Variants in ADAR observed in about 807,000 individuals in gnomAD.
The protein encoded by ADAR is adenosine deaminase RNA specific.
A neutral mutation model predicts 113.2 loss-of-function variants in ADAR; 41 were observed. The observed-to-expected ratio is 0.36, with a 90% CI of 0.28 to 0.47. ADAR has a LOEUF of 0.47. Among genes scored for constraint, ADAR ranks in the 20% least tolerant of loss-of-function variants. ADAR has a pLI of 1.00. For missense variants in ADAR, 1,242 were observed against 1,540.9 expected, an observed-to-expected ratio of 0.81 and a Z score of 3.25; for synonymous variants, 605 against 572.6, an observed-to-expected ratio of 1.06 and a Z score of -0.81.
At chr1:154,606,949 T>TAC in intron 1 of ADAR, among the ~76,000 whole-genome samples, 1 of 126,884 alleles carries the variant, frequency 7.9e-6, no homozygotes, top group East Asian at 2.3e-4. Context: ...AAAAAAAAAA[T>TAC]ATATATATAT....
At chr1:154,586,815 G>C (rs1696794804) in intron 11 of ADAR, among the ~76,000 whole-genome samples, 1 of 152,160 alleles carries the variant, frequency 6.6e-6, no homozygotes, top group Middle Eastern at 3.2e-3. Context: ...CAGCGGATTG[G>C]CTGTTCAGGC....
Position 154,601,588 on chromosome 1 carries a change from T to A in ADAR, c.1054A>T (p.Ile352Leu), listed in dbSNP as rs760321785. The A allele has an allele frequency of 6.2e-7, 1 of 1,612,622 alleles. No individual in the cohort carries two copies. Among genetic ancestry groups the A allele is most frequent in the Non-Finnish European group, 8.5e-7 (1 of 1,180,004 alleles). The change falls in exon 2 of 15, where the codon ATA (isoleucine) becomes TTA (leucine). Residue 352 changes from isoleucine (I) to leucine (L), a missense_variant. Transcript: ENST00000368474. This position sits in a 1 kb window ranked among gnomAD's most constrained non-coding sequence, Gnocchi z 4.7. ...DVYRQGTTPP[I>L]WHLTDKKRER... ...CGCTTCTTGTCTGTCAAATGCCATA[T>A]GGGAGGGGTTGTCCCTTGTCTATAG...
upstream of ADAR, among the ~76,000 whole-genome samples, chr1:154,612,128 A>G (rs1465009610): frequency 4.6e-5 from 7 of 152,174 alleles, no homozygotes; most frequent in Non-Finnish European, 8.8e-5. Flanking sequence ...GTAATTTCCT[A>G]TAACCAGACT....
intron 6 of ADAR, among the ~76,000 whole-genome samples, chr1:154,596,189 A>G (rs9426823): frequency 0.63 from 96,540 of 152,078 alleles, 31,677 homozygotes; most frequent in South Asian, 0.77. Flanking sequence ...GAGGGAAACT[A>G]GAAGTCTGAG....
rs368067331 is a variant in ADAR, at chr1:154,613,733, C to T, written c.-870-11107G>A. On this transcript the variant is annotated intron_variant, in intron 1 of 14. Coordinates refer to the ADAR transcript ENST00000368471. Reference sequence around the variant, plus strand: ...CCGCCTGACTAACATAGAGAAACTCCGTCTTTACTAAAAATACAAAATTAG... The same window carrying T: ...CCGCCTGACTAACATAGAGAAACTCTGTCTTTACTAAAAATACAAAATTAG... Among the ~76,000 whole-genome samples the T allele has an allele frequency of 9.9e-5, 15 of 152,014 alleles. No homozygotes were observed. In the South Asian group the frequency reaches 2.1e-3, roughly 21 times the overall value.
chr1:154,611,587 C>T (rs1557900130), upstream of ADAR, among the ~76,000 whole-genome samples: 1 of 152,070 alleles, frequency 6.6e-6, no homozygotes, highest in Non-Finnish European at 1.5e-5. Context: ...ATAAAAATCA[C>T]CCATTGTTAA....
chr1:154,620,405 CA>C (rs368579988), intron 1 of ADAR, among the ~76,000 whole-genome samples: 9,666 of 133,504 alleles, frequency 0.072, 1,017 homozygotes, highest in African/African-American at 0.24. Context: ...GGCTCCGTCT[CA>C]AAAAAAAAAA....
chr1:154,583,333 A>C lies in ADAR; in HGVS notation c.*1473T>G, dbSNP rs1227809888. On this transcript the variant is annotated 3_prime_UTR_variant, in exon 15 of 15. Transcript: ENST00000368474. Reference sequence around the variant, plus strand: ...AGTCATGACCAACACTCTAAAAGCCAACAAAGTCCCTTCAACATGAGTAAA... The same window carrying C: ...AGTCATGACCAACACTCTAAAAGCCCACAAAGTCCCTTCAACATGAGTAAA... 6.6e-6 allele frequency: 1 copy of C among 152,184 alleles called. No individual in the cohort carries two copies. Among genetic ancestry groups the C allele is most frequent in the Non-Finnish European group, 1.5e-5 (1 of 68,036 alleles). 9.4% of individuals were successfully genotyped at this position (152,184 alleles called of 1,614,324 possible). A position where few individuals can be genotyped will look rare whatever the true frequency, so the allele number is the denominator to read the frequency against.
intron 1 of ADAR, among the ~76,000 whole-genome samples, chr1:154,603,438 A>T (rs1348253530): frequency 1.3e-5 from 2 of 152,044 alleles, no homozygotes; most frequent in African/African-American, 4.8e-5. Flanking sequence ...TGCCCAAACC[A>T]CCCAGGCTCT....
chr1:154,589,269 T>A (rs981912389), intron 9 of ADAR, 100 bp downstream of exon 9: 1 of 923,546 alleles, frequency 1.1e-6, no homozygotes, highest in African/African-American at 1.6e-5. Flanking sequence ...ATGACCCGTC[T>A]GTCTGAGGGG....
chr1:154,587,026 A>G (rs1182747485), intron 11 of ADAR, among the ~76,000 whole-genome samples: 1 of 152,218 alleles, frequency 6.6e-6, no homozygotes, highest in East Asian at 1.9e-4. Flanking sequence ...TAAAGCATAC[A>G]ATTCAGTCAT....
At chr1:154,617,597 C>A (rs191351592) in intron 1 of ADAR, among the ~76,000 whole-genome samples, 1 of 152,004 alleles carries the variant, frequency 6.6e-6, no homozygotes. Context: ...ACCACTCAAA[C>A]GAGAAAAAGG....
At position 154,597,285 on chromosome 1, in the gene ADAR, A is replaced by AC; in HGVS notation, c.1935-19dup. 1 of 1,614,084 alleles carries AC rather than the reference A, an allele frequency of 6.2e-7. No individual in the cohort carries two copies. The highest frequency in any genetic ancestry group is 8.5e-7 in the Non-Finnish European group (1 of 1,180,036). ...ATTGGAACCTGACAGGAGATGAAGC[A>AC]CGTAGAAGGATTAAAATGGTTTTGA... On this transcript the variant is annotated intron_variant, in intron 4 of 14. Transcript: ENST00000368474.
chr1:154,598,991 G>A (rs1206716694), intron 2 of ADAR, among the ~76,000 whole-genome samples: 2 of 152,188 alleles, frequency 1.3e-5, no homozygotes, highest in Non-Finnish European at 2.9e-5. Flanking sequence ...TCAAGGGAGG[G>A]TCCTAAAAGA....
Position 154,598,548 on chromosome 1 carries a change from G to T in ADAR, c.1639C>A (p.Pro547Thr). ...FQVVINGREF[P>T]PAEAGSKKVA... is the part of the protein sequence containing the mutation. Reference sequence around the variant, plus strand: ...TTCTTGCTTCCAGCTTCAGCTGGGGGAAACTCTCGGCCATTGATGACAACC... The same window carrying T: ...TTCTTGCTTCCAGCTTCAGCTGGGGTAAACTCTCGGCCATTGATGACAACC... The change falls in exon 3 of 15, where the codon CCC becomes ACC. Residue 547 changes from proline to threonine, a missense_variant. Coordinates refer to ENST00000368474, the MANE Select transcript of ADAR (RefSeq NM_001111.5). 1 of 1,614,222 alleles carries T rather than the reference G, an allele frequency of 6.2e-7. No individual in the cohort carries two copies. Among genetic ancestry groups the T allele is most frequent in the Non-Finnish European group, 8.5e-7 (1 of 1,180,046 alleles).
intron 1 of ADAR, among the ~76,000 whole-genome samples, chr1:154,603,965 AGTGATCTCCATCCCTACCTTT>A (rs1351375739): frequency 6.6e-6 from 1 of 152,070 alleles, no homozygotes; most frequent in Non-Finnish European, 1.5e-5. Context: ...TCCTTAACCC[AGTGATCTCCATCCCTACCTTT>A]CTGCCACACA....
intron 2 of ADAR, chr1:154,600,748 AG>A: frequency 2.2e-6 from 1 of 450,356 alleles, no homozygotes; most frequent in Non-Finnish European, 4.1e-6. Flanking sequence ...CTGGGATTAC[AG>A]GCATGAGCCA....
intron 6 of ADAR, among the ~76,000 whole-genome samples, chr1:154,593,298 C>A (rs996581477): frequency 6.6e-6 from 1 of 152,176 alleles, no homozygotes; most frequent in African/African-American, 2.4e-5. Context: ...ACTCAATTAG[C>A]ATTTCCCCTC....
chr1:154,607,872 G>C lies in ADAR; in HGVS notation c.15+120C>G, dbSNP rs559641314. On this transcript the variant is annotated intron_variant, in intron 1 of 14. Coordinates refer to ENST00000368474, the MANE Select transcript of ADAR (RefSeq NM_001111.5). The stretch of plus-strand genomic sequence containing the variant: ...AACCAGCAATGCTGCTTGGCAAGAC[G>C]ACACACACACACACACTCTAACACT... 1.3e-5 allele frequency: 16 copies of C among 1,245,996 alleles called. No individual in the cohort carries two copies. The East Asian group carries it at 3.1e-4, about 24-fold the overall frequency. The allele number at this position is 1,245,996 out of a possible 1,614,324, so 77.2% of individuals were successfully genotyped here. A position where few individuals can be genotyped will look rare whatever the true frequency, so the allele number is the denominator to read the frequency against.
Sources: allele counts gnomAD v4.1 joint callset (sites outside exome capture counted in the v4.1 genomes callset), GRCh38; gene constraint gnomAD v4.1.1; non-coding constraint Gnocchi (gnomAD v3.1); transcripts MANE v1.5; gene names NCBI Gene and HGNC (gene_info 2026-07-23, HGNC 2026-07-21).